Variants in MACROD2 observed in about 807,000 individuals in gnomAD.
MACROD2 encodes the protein mono-ADP ribosylhydrolase 2.
MACROD2 carries 36 observed loss-of-function variants against 70.4 expected under a neutral mutation model. The ratio of observed to expected loss-of-function variants is 0.51; its 90% CI spans 0.39 to 0.68. The LOEUF (loss-of-function observed/expected upper bound fraction) is 0.68, where lower values mean the gene tolerates loss of function less well. Among genes scored for constraint, MACROD2 ranks in the 30% least tolerant of loss-of-function variants. The pLI is 0.00. For missense variants in MACROD2, 496 were observed against 538.4 expected (o/e 0.92, Z 0.78); for synonymous variants, 172 against 178.8 (o/e 0.96, Z 0.30).
intron 5 of MACROD2, among the ~76,000 whole-genome samples, chr20:14,701,993 G>T (rs2071201881): frequency 6.6e-6 from 1 of 151,970 alleles, no homozygotes; most frequent in Admixed American, 6.6e-5. Flanking sequence ...TCAAACTCAG[G>T]CAGTCTCTCT....
At chr20:14,461,756 T>C (rs62204409) in intron 3 of MACROD2, among the ~76,000 whole-genome samples, 22,614 of 151,046 alleles carry the variant, frequency 0.15, 2,402 homozygotes, top group Non-Finnish European at 0.21. Context: ...ACATGTGGTG[T>C]CTGGTTTTTT....
At chr20:14,433,478 A>T (rs1039762041) in intron 3 of MACROD2, among the ~76,000 whole-genome samples, 31 of 152,182 alleles carry the variant, frequency 2.0e-4, no homozygotes, top group Admixed American at 2.0e-3. Context: ...GTGGACAAAT[A>T]AATGATTTTG....
intron 5 of MACROD2, among the ~76,000 whole-genome samples, chr20:15,173,023 G>A (rs759561272): frequency 7.9e-5 from 12 of 151,994 alleles, no homozygotes; most frequent in Non-Finnish European, 1.2e-4. Context: ...AAAATATAAC[G>A]TGAACATATA....
chr20:15,188,740 G>C (rs1487345027), intron 5 of MACROD2, among the ~76,000 whole-genome samples: 1 of 152,172 alleles, frequency 6.6e-6, no homozygotes, highest in Non-Finnish European at 1.5e-5. Flanking sequence ...ATAAGGCACT[G>C]TTCCTAAGGG....
rs148933206 is a variant in MACROD2, at chr20:14,300,203, T to A, written c.272-193276T>A. Among the ~76,000 whole-genome samples, 1,364 of 152,348 alleles carry A rather than the reference T, an allele frequency of 9.0e-3. 17 individuals carry two copies. Among genetic ancestry groups the A allele is most frequent in the Middle Eastern group, 0.01 (3 of 294 alleles). ...GTTTACTGATAATGATAACAGCTAA[T>A]GTCTGTTACAACATCGCTACCTCAG... is the stretch of plus-strand genomic sequence containing the variant. On this transcript the variant is annotated intron_variant, in intron 3 of 17. Coordinates refer to ENST00000684519, the MANE Select transcript of MACROD2 (RefSeq NM_001351661.2).
chr20:14,790,882 C>G (rs910606626), intron 5 of MACROD2, among the ~76,000 whole-genome samples: 6 of 152,010 alleles, frequency 3.9e-5, no homozygotes, highest in African/African-American at 1.5e-4. Flanking sequence ...CCTCAATTGA[C>G]TTTCAGGTTA....
chr20:15,015,013 C>A (rs1217321185), intron 5 of MACROD2, among the ~76,000 whole-genome samples: 1 of 152,012 alleles, frequency 6.6e-6, no homozygotes, highest in Non-Finnish European at 1.5e-5. Flanking sequence ...CTACATAGGA[C>A]CATACGGCAT....
At chr20:15,250,729 C>A (rs1421961797) in intron 6 of MACROD2, among the ~76,000 whole-genome samples, 1 of 152,158 alleles carries the variant, frequency 6.6e-6, no homozygotes, top group Admixed American at 6.6e-5. Context: ...TCCTTTGGAT[C>A]TCAGCTCTGT....
At chr20:14,945,179 C>CCT (rs2074421248) in intron 5 of MACROD2, among the ~76,000 whole-genome samples, 1 of 151,508 alleles carries the variant, frequency 6.6e-6, no homozygotes, top group Non-Finnish European at 1.5e-5. Flanking sequence ...TGCAGTGGGC[C>CCT]TGATCTTGGC....
At chr20:14,978,435 C>A (rs1482412257) in intron 5 of MACROD2, among the ~76,000 whole-genome samples, 1 of 147,304 alleles carries the variant, frequency 6.8e-6, no homozygotes, top group African/African-American at 2.5e-5. Flanking sequence ...TTATCAGTAA[C>A]CACTAAGGAG....
At chr20:15,812,401 G>A (rs996498633) in intron 8 of MACROD2, among the ~76,000 whole-genome samples, 4 of 152,166 alleles carry the variant, frequency 2.6e-5, no homozygotes, top group Non-Finnish European at 4.4e-5. Context: ...TATGGAGGAC[G>A]GACATGCACA....
chr20:14,506,409 T>A (rs2084970232), intron 4 of MACROD2, among the ~76,000 whole-genome samples: 1 of 152,140 alleles, frequency 6.6e-6, no homozygotes. Context: ...GAACAGAGAA[T>A]GGAAGTCTAT....
intron 8 of MACROD2, among the ~76,000 whole-genome samples, chr20:15,641,083 T>C (rs892751721): frequency 1.3e-5 from 2 of 152,220 alleles, no homozygotes; most frequent in Non-Finnish European, 2.9e-5. Context: ...GCAGGTATAT[T>C]GAAAATAGAG....
chr20:14,542,155 T>G (rs1200680004), intron 4 of MACROD2, among the ~76,000 whole-genome samples: 1 of 152,220 alleles, frequency 6.6e-6, no homozygotes. Flanking sequence ...AATGTGGGTG[T>G]GTTGACCGCA....
chr20:14,860,184 G>T (rs974881709), intron 5 of MACROD2, among the ~76,000 whole-genome samples: 3 of 152,110 alleles, frequency 2.0e-5, no homozygotes, highest in African/African-American at 7.2e-5. Flanking sequence ...TTCCTGAATT[G>T]TACAGGTTAC....
intron 3 of MACROD2, among the ~76,000 whole-genome samples, chr20:14,310,523 G>A (rs2082557731): frequency 6.6e-6 from 1 of 152,088 alleles, no homozygotes; most frequent in Non-Finnish European, 1.5e-5. Flanking sequence ...CATGCTGCCA[G>A]GTGTATAAAA....
intron 8 of MACROD2, among the ~76,000 whole-genome samples, chr20:15,708,421 A>G (rs779499405): frequency 6.6e-6 from 1 of 152,056 alleles, no homozygotes; most frequent in Non-Finnish European, 1.5e-5. Flanking sequence ...GATGTGAGGG[A>G]ATTAGCCATG....
At chr20:15,130,043 G>A (rs1374239983) in intron 5 of MACROD2, among the ~76,000 whole-genome samples, 1 of 151,978 alleles carries the variant, frequency 6.6e-6, no homozygotes, top group Non-Finnish European at 1.5e-5. Flanking sequence ...ATTTTACGAT[G>A]AACATTAAAC....
intron 3 of MACROD2, among the ~76,000 whole-genome samples, chr20:14,430,433 A>G (rs1403267502): frequency 6.6e-6 from 1 of 152,132 alleles, no homozygotes; most frequent in Non-Finnish European, 1.5e-5. Flanking sequence ...GAAAGGAAGG[A>G]TAGTAAATGC....
Sources: gnomAD v4.1 joint callset for allele counts (sites outside exome capture counted in the v4.1 genomes callset) on GRCh38, gnomAD v4.1.1 for gene constraint, MANE v1.5 for transcripts, NCBI Gene and HGNC (gene_info 2026-07-23, HGNC 2026-07-21) for gene names.